The following MON2 variants were observed in gnomAD, a reference collection of about 807,000 sequenced individuals.
MON2 encodes the protein MON2 regulator of endosome-to-Golgi trafficking.
MON2 carries 84 observed loss-of-function variants against 208.6 expected under a neutral mutation model. The ratio of observed to expected loss-of-function variants is 0.40; its 90% CI spans 0.34 to 0.48. MON2 has a LOEUF of 0.48. Ranked by LOEUF, MON2 falls within the 20% of genes least tolerant of loss-of-function variation. The pLI is 0.59. For missense variants in MON2, 1,611 were observed against 2,015.4 expected, an observed-to-expected ratio of 0.80 and a Z score of 3.84; for synonymous variants, 660 against 694.0, an observed-to-expected ratio of 0.95 and a Z score of 0.77.
At chr12:62,581,385 G>A (rs79141564) in intron 32 of MON2, among the ~76,000 whole-genome samples, 2,758 of 151,952 alleles carry the variant, frequency 0.018, 87 homozygotes, top group African/African-American at 0.063. Context: ...GACTGCCTCT[G>A]TCTCTACAAA....
At chr12:62,544,834 G>A in intron 20 of MON2, 64 bp from the exon 21 acceptor site, 1 of 1,573,646 alleles carries the variant, frequency 6.4e-7, no homozygotes, top group Non-Finnish European at 8.7e-7. Flanking sequence ...GATATAAAAT[G>A]TAAAATTGAT....
chr12:62,494,158 C>T (rs11174512), intron 3 of MON2, 116 bp downstream of exon 3: 46,954 of 925,140 alleles, frequency 0.051, 1,381 homozygotes, highest in Non-Finnish European at 0.056. Context: ...GCAATGTGCT[C>T]GGAGAAAATG....
chr12:62,497,011 C>T (rs528460736), intron 4 of MON2, among the ~76,000 whole-genome samples: 5 of 143,878 alleles, frequency 3.5e-5, no homozygotes, highest in Non-Finnish European at 6.0e-5. Flanking sequence ...TTTGTAGGGA[C>T]ATGGATGAAA....
chr12:62,473,420 CTTGTTT>C (rs1448551815), intron 1 of MON2, among the ~76,000 whole-genome samples: 2 of 152,166 alleles, frequency 1.3e-5, no homozygotes, highest in African/African-American at 4.8e-5. Context: ...TTACAACTTT[CTTGTTT>C]TTGTTATTGT....
rs1012875208 is a variant in MON2 at position 62,594,589 on chromosome 12, C to T, written c.*1840C>T. The T allele has an allele frequency of 3.3e-5, 5 of 151,964 alleles. No individual in the cohort carries two copies. In the South Asian group the frequency reaches 6.2e-4, roughly 19 times the overall value. The allele number at this position is 151,964 out of a possible 1,614,324, so 9.4% of individuals were successfully genotyped here. A position where few individuals can be genotyped will look rare whatever the true frequency, so the allele number is the denominator to read the frequency against. ...ACAGAATAACCCAAGGGTAGTGTACCGATTCAGTAACATGTTAAAAATATT... is the reference window on the plus strand; with the variant it reads ...ACAGAATAACCCAAGGGTAGTGTACTGATTCAGTAACATGTTAAAAATATT... On this transcript the variant is annotated 3_prime_UTR_variant, in exon 35 of 35. Coordinates refer to ENST00000393630, the MANE Select transcript of MON2 (RefSeq NM_015026.3).
At chr12:62,504,354 C>T (rs1268598838) in intron 7 of MON2, among the ~76,000 whole-genome samples, 2 of 150,840 alleles carry the variant, frequency 1.3e-5, no homozygotes, top group East Asian at 3.9e-4. Flanking sequence ...ACGCCATTCT[C>T]CTGCCTCAGC....
chr12:62,537,998 T>C, intron 16 of MON2, 98 bp from the exon 17 acceptor site: 4 of 1,045,446 alleles, frequency 3.8e-6, no homozygotes, highest in Non-Finnish European at 5.6e-6. Context: ...CTGATTTTAA[T>C]TTTGGTTGCT....
intron 33 of MON2, among the ~76,000 whole-genome samples, chr12:62,587,532 C>A (rs187607956): frequency 6.6e-6 from 1 of 151,246 alleles, no homozygotes; most frequent in Admixed American, 6.6e-5. Flanking sequence ...CCCAGGAGTT[C>A]GAGACCAGCA....
At position 62,561,092 on chromosome 12, in the gene MON2, A is replaced by G; in HGVS notation, c.4011A>G (p.Thr1337=). ...VLTSLQEAVL[T]ALDVLQKAIC... is the part of the protein sequence containing the mutation. Reference sequence around the variant, plus strand: ...CAAGTTTACAGGAAGCTGTACTTACAGCTTTAGATGTTCTCCAAAAGGTAA... The same window carrying G: ...CAAGTTTACAGGAAGCTGTACTTACGGCTTTAGATGTTCTCCAAAAGGTAA... The change falls in exon 26 of 35, where the codon ACA becomes ACG. Residue 1337 remains threonine (T), a synonymous_variant. Coordinates refer to ENST00000393630, the MANE Select transcript of MON2 (RefSeq NM_015026.3). 6.2e-7 allele frequency: 1 copy of G among 1,610,076 alleles called. No homozygotes were observed. The highest frequency in any genetic ancestry group is 8.5e-7 in the Non-Finnish European group (1 of 1,178,444).
At chr12:62,499,143 A>AC in intron 5 of MON2, 95 bp downstream of exon 5, 1 of 1,229,644 alleles carries the variant, frequency 8.1e-7, no homozygotes, top group Non-Finnish European at 1.1e-6. Flanking sequence ...CAACATTATT[A>AC]TGTCTATAAT....
At chr12:62,492,365 T>TA (rs1270849626) in intron 2 of MON2, among the ~76,000 whole-genome samples, 1 of 140,080 alleles carries the variant, frequency 7.1e-6, no homozygotes, top group African/African-American at 2.6e-5. Flanking sequence ...GTTAGTTCTT[T>TA]TTTTTTTTTT....
chr12:62,530,105 T>C (rs1001092701), intron 11 of MON2, among the ~76,000 whole-genome samples: 2 of 152,160 alleles, frequency 1.3e-5, no homozygotes, highest in Admixed American at 6.5e-5. Context: ...TATAACTGTA[T>C]TTTTGTACCT....
At chr12:62,552,787 T>C in intron 23 of MON2, 94 bp from the exon 24 acceptor site, 1 of 913,778 alleles carries the variant, frequency 1.1e-6, no homozygotes, top group South Asian at 1.7e-5. Flanking sequence ...TTTTTAAAGT[T>C]TTACTCTGAA....
At chr12:62,568,993 C>G (rs1224408269) in intron 29 of MON2, among the ~76,000 whole-genome samples, 1 of 152,100 alleles carries the variant, frequency 6.6e-6, no homozygotes, top group Non-Finnish European at 1.5e-5. Flanking sequence ...GATCTCTTTT[C>G]TATAATCCCA....
intron 8 of MON2, among the ~76,000 whole-genome samples, chr12:62,522,680 C>T (rs988328392): frequency 1.3e-5 from 2 of 152,150 alleles, no homozygotes; most frequent in Admixed American, 1.3e-4. Flanking sequence ...ATACCTGTTT[C>T]CTTATAAGTG....
chr12:62,582,129 T>C (rs1178029272), intron 32 of MON2, among the ~76,000 whole-genome samples: 12 of 152,258 alleles, frequency 7.9e-5, no homozygotes, highest in African/African-American at 2.6e-4. Flanking sequence ...TTATTAAGAG[T>C]ATGTGAAAAT....
At chr12:62,493,278 A>T (rs1312137426) in intron 2 of MON2, among the ~76,000 whole-genome samples, 1 of 152,162 alleles carries the variant, frequency 6.6e-6, no homozygotes, top group Non-Finnish European at 1.5e-5. Flanking sequence ...TTTTATTGCC[A>T]CTTAAAAACT....
In MON2 at chr12:62,594,509, G is replaced by A. The variant is rs2075481342; in HGVS notation, c.*1760G>A. 6.6e-6 allele frequency: 1 copy of A among 151,992 alleles called. No individual in the cohort carries two copies. The highest frequency in any genetic ancestry group is 6.6e-5 in the Admixed American group (1 of 15,264). 9.4% of individuals were successfully genotyped at this position (151,992 alleles called of 1,614,324 possible). ...GCTATGTACTTATTTTCTATATTTG[G>A]GTGTGTTAAATTGAGGATTAGAAAA... On this transcript the variant is annotated 3_prime_UTR_variant, in exon 35 of 35. Transcript: ENST00000393630.
intron 32 of MON2, among the ~76,000 whole-genome samples, chr12:62,581,376 A>T (rs1307737097): frequency 2.6e-5 from 4 of 152,072 alleles, no homozygotes; most frequent in Non-Finnish European, 5.9e-5. Flanking sequence ...GCACAGTGAG[A>T]CTGCCTCTGT....
Sources: gnomAD v4.1 joint callset for allele counts (sites outside exome capture counted in the v4.1 genomes callset) on GRCh38, gnomAD v4.1.1 for gene constraint, MANE v1.5 for transcripts, NCBI Gene and HGNC (gene_info 2026-07-23, HGNC 2026-07-21) for gene names.